The following KLHDC4 variants were observed in gnomAD, a reference collection of about 807,000 sequenced individuals.
KLHDC4 encodes the protein kelch domain-containing protein 4.
Under a neutral mutation model 62.4 loss-of-function variants are expected in KLHDC4, and 90 were observed. The ratio of observed to expected loss-of-function variants is 1.44; its 90% CI spans 1.22 to 1.72. KLHDC4 has a LOEUF of 1.72. Ranked by LOEUF, KLHDC4 falls within the 40% of genes most tolerant of loss-of-function variation. The pLI, the probability that KLHDC4 is intolerant of heterozygous loss-of-function variation, is 0.00. For missense variants in KLHDC4, 1,025 were observed against 699.7 expected, an observed-to-expected ratio of 1.47 and a Z score of -5.25; for synonymous variants, 386 against 284.4, an observed-to-expected ratio of 1.36 and a Z score of -3.59.
Position 87,709,530 on chromosome 16 carries a change from G to A in KLHDC4, c.1182C>T (p.Thr394=), listed in dbSNP as rs200862866. Residue 394 remains threonine (T), a synonymous_variant, in exon 10 of 12, where the codon ACC becomes ACT. Transcript: ENST00000270583. Reference sequence around the variant, plus strand: ...TGAGCACCTGCTTAATGGTGACCACGGTGCCATCCTCGGCCACCACCTCCT... The same window carrying A: ...TGAGCACCTGCTTAATGGTGACCACAGTGCCATCCTCGGCCACCACCTCCT... ...LVKEVVAEDG[T]VVTIKQVLTA... is the part of the protein sequence containing the mutation. The A allele has an allele frequency of 8.1e-5, 130 of 1,612,374 alleles. No homozygotes were observed. The East Asian group carries it at 1.8e-3, about 23-fold the overall frequency.
intron 5 of KLHDC4, 44 bp from the exon 6 acceptor site, chr16:87,730,688 T>C (rs2040191832): frequency 6.5e-7 from 1 of 1,532,836 alleles, no homozygotes; most frequent in Non-Finnish European, 8.9e-7. Context: ...CTGCTTAATT[T>C]CTGGTTGTTC....
intron 9 of KLHDC4, 184 bp from the exon 10 acceptor site, chr16:87,709,851 T>TGCA: frequency 1.5e-6 from 1 of 671,546 alleles, no homozygotes; most frequent in Non-Finnish European, 2.5e-6. Flanking sequence ...AGCACGCTCC[T>TGCA]GTCTCCCACT....
At chr16:87,742,553 C>T (rs911281173) in intron 5 of KLHDC4, among the ~76,000 whole-genome samples, 3 of 152,164 alleles carry the variant, frequency 2.0e-5, no homozygotes, top group Non-Finnish European at 2.9e-5. Flanking sequence ...AACTGGACCC[C>T]GTCTATGGTC....
At chr16:87,702,466 A>C (rs369432920) in exon 1 of KLHDC4, 16 of 362,872 alleles carry the variant, frequency 4.4e-5, no homozygotes, top group Admixed American at 2.3e-4. Flanking sequence ...CGCGTCCCCA[A>C]ATGTAGCCAC....
intron 4 of KLHDC4, 28 bp downstream of exon 4, chr16:87,755,166 G>A (rs375537009): frequency 2.0e-6 from 3 of 1,474,758 alleles, no homozygotes; most frequent in African/African-American, 1.4e-5. Context: ...GAAGAGGGAG[G>A]GTGGCTGAGA....
At chr16:87,725,326 C>T (rs567330956) in intron 7 of KLHDC4, among the ~76,000 whole-genome samples, 85 of 152,266 alleles carry the variant, frequency 5.6e-4, no homozygotes, top group South Asian at 5.0e-3. Context: ...CCACCACGCC[C>T]GGCTAATTTT....
chr16:87,753,711 G>C (rs1472219589), intron 4 of KLHDC4, among the ~76,000 whole-genome samples: 7 of 151,838 alleles, frequency 4.6e-5, no homozygotes, highest in Admixed American at 2.6e-4. Context: ...TAAGGCAGGA[G>C]AATCTCTTGA....
At chr16:87,751,164 G>C (rs2043865185) in intron 4 of KLHDC4, among the ~76,000 whole-genome samples, 1 of 152,208 alleles carries the variant, frequency 6.6e-6, no homozygotes, top group African/African-American at 2.4e-5. Flanking sequence ...GCTCCAGTTA[G>C]CGTGAAATAG....
Position 87,708,400 on chromosome 16 carries a change from C to CCCTCGGCGCCCTCAA in KLHDC4, c.1499_1513dup (p.Val500_Glu504dup), listed in dbSNP as rs747872182. 7 of 1,611,740 alleles carry CCCTCGGCGCCCTCAA rather than the reference C, an allele frequency of 4.3e-6. No individual in the cohort carries two copies. Among genetic ancestry groups the CCCTCGGCGCCCTCAA allele is most frequent in the Non-Finnish European group, 5.9e-6 (7 of 1,179,468 alleles). On this transcript the variant is annotated inframe_insertion, in exon 11 of 12. Coordinates refer to ENST00000270583, the MANE Select transcript of KLHDC4 (RefSeq NM_017566.4). ...TCCGCTGTCTTCGTCGTCGACCCCA[C>CCCTCGGCGCCCTCAA]CCTCGGCGCCCTCAACCTCCTCACT...
intron 2 of KLHDC4, among the ~76,000 whole-genome samples, chr16:87,757,799 G>A (rs1205327910): frequency 3.3e-5 from 5 of 152,100 alleles, no homozygotes; most frequent in Non-Finnish European, 4.4e-5. Context: ...GGCTGAGGCA[G>A]GAGGATCACT....
intron 2 of KLHDC4, 130 bp from the exon 3 acceptor site, chr16:87,756,607 C>A (rs2044963396): frequency 3.1e-6 from 2 of 654,206 alleles, no homozygotes; most frequent in East Asian, 2.8e-5. Context: ...GAGAGCCTGG[C>A]ATCGAGAAAG....
At chr16:87,725,169 G>T (rs766943484) in intron 7 of KLHDC4, among the ~76,000 whole-genome samples, 2 of 152,156 alleles carry the variant, frequency 1.3e-5, no homozygotes, top group Admixed American at 6.5e-5. Flanking sequence ...TCACCTCTGG[G>T]CGGAGGGGAG....
rs574763752 is a variant in KLHDC4 at position 87,759,916 on chromosome 16, G to A, written c.191+2033C>T. Among the ~76,000 whole-genome samples the A allele has an allele frequency of 3.3e-5, 5 of 152,264 alleles. No individual in the cohort carries two copies. In the East Asian group the frequency reaches 5.8e-4, roughly 18 times the overall value. On this transcript the variant is annotated intron_variant, in intron 2 of 11. Transcript: ENST00000270583. ...CGGCACCAGCCCAGGTGTTGCCGCCGCACAGGCAGGTGAGGTACTGAGGCA... is the reference window on the plus strand; with the variant it reads ...CGGCACCAGCCCAGGTGTTGCCGCCACACAGGCAGGTGAGGTACTGAGGCA...
chr16:87,717,065 C>T (rs1038302609), intron 7 of KLHDC4, among the ~76,000 whole-genome samples: 1 of 152,186 alleles, frequency 6.6e-6, no homozygotes, highest in Non-Finnish European at 1.5e-5. Context: ...ACCCATCTCT[C>T]CCAAAAAATA....
At chr16:87,708,705 G>A (rs765694375) in intron 10 of KLHDC4, among the ~76,000 whole-genome samples, 42 of 152,114 alleles carry the variant, frequency 2.8e-4, no homozygotes, top group Non-Finnish European at 4.9e-4. Context: ...ATAACGGAGC[G>A]GCTGGCCAAC....
At chr16:87,707,487 CG>C (rs1476069296), downstream of KLHDC4, among the ~76,000 whole-genome samples, 1 of 152,202 alleles carries the variant, frequency 6.6e-6, no homozygotes. Flanking sequence ...AGCCAGCCAG[CG>C]GTGCTTCACG....
At chr16:87,744,894 C>T (rs1478388360) in intron 5 of KLHDC4, among the ~76,000 whole-genome samples, 3 of 152,154 alleles carry the variant, frequency 2.0e-5, no homozygotes, top group South Asian at 4.1e-4. Flanking sequence ...CACGCTCACA[C>T]GCATGCAGTC....
Position 87,726,103 on chromosome 16 carries a change from G to A in KLHDC4, c.759+662C>T, listed in dbSNP as rs1199810566. Among the ~76,000 whole-genome samples, 5 of 152,052 alleles carry A rather than the reference G, an allele frequency of 3.3e-5. No homozygotes were observed. In the East Asian group the frequency reaches 9.6e-4, roughly 29 times the overall value. ...AAAGAACTGTTTATATTCAACCAAT[G>A]AGTAATCCCATGTGAAAGCTTCAAT... On this transcript the variant is annotated intron_variant, in intron 7 of 11. Transcript: ENST00000270583.
rs148054768 is a variant in KLHDC4, at chr16:87,709,353, G to T, written c.1359C>A (p.Ala453=). 1 of 1,613,416 alleles carries T rather than the reference G, an allele frequency of 6.2e-7. No homozygotes were observed. Among genetic ancestry groups the T allele is most frequent in the East Asian group, 2.2e-5 (1 of 44,882 alleles). The change falls in exon 10 of 12, where the codon GCC becomes GCA. Residue 453 remains alanine, a synonymous_variant. Transcript: ENST00000270583. Reference sequence around the variant, plus strand: ...CGCTGAGGGTGACCTGGCGGTCGCCGGCCTCAAACATGCCCCCATAGACGT... The same window carrying T: ...CGCTGAGGGTGACCTGGCGGTCGCCTGCCTCAAACATGCCCCCATAGACGT... ...VLYVYGGMFE[A]GDRQVTLSDL... is the part of the protein sequence containing the mutation.
Sources: allele counts gnomAD v4.1 joint callset (sites outside exome capture counted in the v4.1 genomes callset), GRCh38; gene constraint gnomAD v4.1.1; transcripts MANE v1.5; gene names NCBI Gene and HGNC (gene_info 2026-07-23, HGNC 2026-07-21).